The following PSME4 variants were observed in gnomAD, a reference collection of about 807,000 sequenced individuals.
PSME4 encodes the protein proteasome activator complex subunit 4.
Under a neutral mutation model 253.9 loss-of-function variants are expected in PSME4, and 89 were observed. The ratio of observed to expected loss-of-function variants is 0.35; its 90% CI spans 0.30 to 0.42. The LOEUF is 0.42. Ranked by LOEUF, PSME4 falls within the 10% of genes least tolerant of loss-of-function variation. The pLI is 1.00. For missense variants in PSME4, 2,014 were observed against 2,195.2 expected (o/e 0.92, Z 1.65); for synonymous variants, 851 against 759.2 (o/e 1.12, Z -1.99).
At chr2:53,897,646 T>C (rs765970803) in intron 31 of PSME4, among the ~76,000 whole-genome samples, 1 of 152,222 alleles carries the variant, frequency 6.6e-6, no homozygotes, top group Non-Finnish European at 1.5e-5. Flanking sequence ...CATTAGCCTA[T>C]AAACTTATTT....
Position 53,867,669 on chromosome 2 carries a change from CAAAAAAAAA to C in PSME4, c.5264-798_5264-790del, listed in dbSNP as rs35848517. The stretch of plus-strand genomic sequence containing the variant: ...AGGGCGATAGAGGAAGACCTTACCT[CAAAAAAAAA>C]AAAAAAAAAAAAGGATTTTTAAAGA... On this transcript the variant is annotated intron_variant, in intron 44 of 46. Transcript: ENST00000404125. Among the ~76,000 whole-genome samples the C allele has an allele frequency of 6.7e-3, 664 of 98,542 alleles. 5 individuals carry two copies. The highest frequency in any genetic ancestry group is 0.025 in the African/African-American group (641 of 25,468). 64.6% of individuals were successfully genotyped at this position (98,542 alleles called of 152,430 possible).
chr2:53,901,973 G>A (rs1030117007), intron 27 of PSME4, among the ~76,000 whole-genome samples: 1 of 152,134 alleles, frequency 6.6e-6, no homozygotes, highest in Non-Finnish European at 1.5e-5. Flanking sequence ...AGGCTGAGGT[G>A]GGAGGATCAC....
rs781620243 is a variant in PSME4, at chr2:53,949,147, A to G, written c.379T>C (p.Leu127=). 1.9e-6 allele frequency: 3 copies of G among 1,593,770 alleles called. No individual in the cohort carries two copies. The highest frequency in any genetic ancestry group is 2.7e-5 in the African/African-American group (2 of 74,216). The change falls in exon 2 of 47, where the codon TTA becomes CTA. Residue 127 remains leucine (L), a synonymous_variant. Coordinates refer to ENST00000404125, the MANE Select transcript of PSME4 (RefSeq NM_014614.3). Reference sequence around the variant, plus strand: ...AACCTCTGGAAAAAGACTTACTTTAACAAGTTGATCAAAAGGCGGGCAAAT... The same window carrying G: ...AACCTCTGGAAAAAGACTTACTTTAGCAAGTTGATCAAAAGGCGGGCAAAT... ...QGFARLLINL[L]KKKELLSRAD... is the part of the protein sequence containing the mutation.
chr2:53,937,444 A>G lies in PSME4; in HGVS notation c.642T>C (p.Phe214=). 1.2e-6 allele frequency: 2 copies of G among 1,610,420 alleles called. No homozygotes were observed. Among genetic ancestry groups the G allele is most frequent in the Non-Finnish European group, 1.7e-6 (2 of 1,177,696 alleles). Reference sequence around the variant, plus strand: ...GAAGGGAGGTAGGAAGAAATATTTCAAAATAAGTGATGGCCTTTTGCATGG... The same window carrying G: ...GAAGGGAGGTAGGAAGAAATATTTCGAAATAAGTGATGGCCTTTTGCATGG... ...DVTMQKAITY[F]EIFLPTSLPP... is the part of the protein sequence containing the mutation. The change falls in exon 5 of 47, where the codon TTT becomes TTC. Residue 214 remains phenylalanine, a synonymous_variant. Coordinates refer to ENST00000404125, the MANE Select transcript of PSME4 (RefSeq NM_014614.3).
intron 27 of PSME4, 46 bp from the exon 28 acceptor site, chr2:53,901,605 CA>C: frequency 6.7e-7 from 1 of 1,493,744 alleles, no homozygotes; most frequent in Admixed American, 1.8e-5. Context: ...AAATAAGAGG[CA>C]TCATGTAGTT....
intron 3 of PSME4, among the ~76,000 whole-genome samples, chr2:53,945,821 A>C (rs1324707766): frequency 6.6e-6 from 1 of 152,258 alleles, no homozygotes; most frequent in African/African-American, 2.4e-5. Context: ...GTGGCAGAAT[A>C]TATCTAAGAA....
chr2:53,868,864 A>G (rs1026418485), intron 44 of PSME4, among the ~76,000 whole-genome samples: 1 of 151,922 alleles, frequency 6.6e-6, no homozygotes, highest in Non-Finnish European at 1.5e-5. Context: ...TAAACATGAC[A>G]TAGTAGTCAG....
Position 53,899,947 on chromosome 2 carries a change from A to C in PSME4, c.3356T>G (p.Leu1119Trp), listed in dbSNP as rs1433268067. 2 of 1,613,366 alleles carry C rather than the reference A, an allele frequency of 1.2e-6. No homozygotes were observed. Among genetic ancestry groups the C allele is most frequent in the Admixed American group, 3.3e-5 (2 of 59,998 alleles). Residue 1119 changes from leucine (L) to tryptophan (W), a missense_variant, in exon 29 of 47, where the codon TTG becomes TGG. Coordinates refer to ENST00000404125, the MANE Select transcript of PSME4 (RefSeq NM_014614.3). ...TTCCTTAATTTTTTCTGGGCTAAGC[A>C]ATATCTGGTTGATAGAGGGGTTTTT... ...QSKNPSINQI[L>W]LSPEKIKEGI...
chr2:53,900,890 A>T (rs1680367359), intron 28 of PSME4, among the ~76,000 whole-genome samples: 1 of 152,164 alleles, frequency 6.6e-6, no homozygotes, highest in Admixed American at 6.5e-5. Flanking sequence ...GTTCCTAGAA[A>T]ATCTGCTATA....
At chr2:53,970,437 G>A (rs2104498494) in intron 1 of PSME4, 106 bp downstream of exon 1, 2 of 1,501,230 alleles carry the variant, frequency 1.3e-6, no homozygotes, top group Non-Finnish European at 1.8e-6. Flanking sequence ...CAGCTCCAGC[G>A]AGGACAGAGC....
intron 4 of PSME4, among the ~76,000 whole-genome samples, chr2:53,938,463 A>G (rs995324949): frequency 6.7e-6 from 1 of 149,310 alleles, no homozygotes; most frequent in Non-Finnish European, 1.5e-5. Flanking sequence ...TGCTAAATAC[A>G]CCTTAATGGG....
chr2:53,970,215 G>A (rs1248199588), intron 1 of PSME4, among the ~76,000 whole-genome samples: 5 of 152,204 alleles, frequency 3.3e-5, no homozygotes, highest in African/African-American at 4.8e-5. Context: ...GGACCCTTGA[G>A]AAAGGCTCAC....
intron 34 of PSME4, among the ~76,000 whole-genome samples, chr2:53,894,239 C>T (rs971495172): frequency 6.6e-6 from 1 of 152,124 alleles, no homozygotes; most frequent in African/African-American, 2.4e-5. Flanking sequence ...GGACCAAGTA[C>T]ATAAACTTAA....
chr2:53,908,757 A>G lies in PSME4; in HGVS notation c.2629+27T>C, dbSNP rs577253287. On this transcript the variant is annotated intron_variant, in intron 22 of 46. Coordinates refer to ENST00000404125, the MANE Select transcript of PSME4 (RefSeq NM_014614.3). ...CCAAAATACTTATTCCAAAGTACAAATAAGTTAAATGTACAGATACACTTA... is the reference window on the plus strand; with the variant it reads ...CCAAAATACTTATTCCAAAGTACAAGTAAGTTAAATGTACAGATACACTTA... 5 of 1,544,870 alleles carry G rather than the reference A, an allele frequency of 3.2e-6. No homozygotes were observed. In the Admixed American group the frequency reaches 5.6e-5, roughly 17 times the overall value.
chr2:53,921,074 G>C lies in PSME4; in HGVS notation c.2077C>G (p.Leu693Val). ...ATCTTTACAAGCTGCTCCCTATAAA[G>C]AAGCAACTTCCTTCCATCCACTCGA... ...ITRVDGRKLLLYREQLVKILQ... is the reference protein window; with the variant it reads ...ITRVDGRKLLVYREQLVKILQ... Residue 693 changes from leucine (L) to valine (V), a missense_variant, in exon 18 of 47, where the codon CTT (leucine) becomes GTT (valine). Around this residue, in one of 4 missense-constraint regions of PSME4, gnomAD observed 989 missense variants for 1,021.1 expected, o/e 0.97. Transcript: ENST00000404125. 6.2e-7 allele frequency: 1 copy of C among 1,613,818 alleles called. No homozygotes were observed. Among genetic ancestry groups the C allele is most frequent in the Non-Finnish European group, 8.5e-7 (1 of 1,179,952 alleles).
rs1262640004 is a variant in PSME4 at position 53,909,209 on chromosome 2, AATTTT to A, written c.2573-374_2573-370del. Among the ~76,000 whole-genome samples, 155 of 152,296 alleles carry A rather than the reference AATTTT, an allele frequency of 1.0e-3. 1 individual carries two copies. The highest frequency in any genetic ancestry group is 3.3e-3 in the African/African-American group (139 of 41,562). On this transcript the variant is annotated intron_variant, in intron 21 of 46. Coordinates refer to ENST00000404125, the MANE Select transcript of PSME4 (RefSeq NM_014614.3). ...ACTAATTAGAGATTAAAATACATGG[AATTTT>A]CTAATTAGTTGTGGGTGACGTAAAT...
chr2:53,958,348 T>C (rs556790477), intron 1 of PSME4, among the ~76,000 whole-genome samples: 1 of 148,388 alleles, frequency 6.7e-6, no homozygotes, highest in Non-Finnish European at 1.5e-5. Flanking sequence ...AGAGTGAGAC[T>C]CCATCTCAAA....
chr2:53,902,425 C>G (rs1481149886), intron 27 of PSME4, among the ~76,000 whole-genome samples: 1 of 152,148 alleles, frequency 6.6e-6, no homozygotes. Flanking sequence ...TTTTTACTAT[C>G]AAAACTTTTG....
intron 6 of PSME4, among the ~76,000 whole-genome samples, chr2:53,936,482 C>A (rs1008538792): frequency 6.6e-5 from 10 of 151,924 alleles, no homozygotes; most frequent in African/African-American, 9.7e-5. Context: ...GTACAGGTAC[C>A]AAAGAAAACA....
Sources: allele counts gnomAD v4.1 joint callset (sites outside exome capture counted in the v4.1 genomes callset), GRCh38; gene constraint gnomAD v4.1.1; regional missense constraint gnomAD v4.1.1; transcripts MANE v1.5; gene names NCBI Gene and HGNC (gene_info 2026-07-23, HGNC 2026-07-21).